The following SDK1 variants were observed in gnomAD, a reference collection of about 807,000 sequenced individuals.
The protein encoded by SDK1 is protein sidekick-1.
Under a neutral mutation model 245.5 loss-of-function variants are expected in SDK1, and 157 were observed. The ratio of observed to expected loss-of-function variants is 0.64; its 90% CI spans 0.56 to 0.73. SDK1 has a LOEUF of 0.73. Among genes scored for constraint, SDK1 ranks in the 30% least tolerant of loss-of-function variants. The pLI, the probability that SDK1 is intolerant of heterozygous loss-of-function variation, is 0.00. For synonymous variants in SDK1, 1,647 were observed against 1,278.5 expected, an observed-to-expected ratio of 1.29 and a Z score of -6.15; for missense variants, 3,583 against 3,002.3, an observed-to-expected ratio of 1.19 and a Z score of -4.52.
At chr7:3,520,803 G>T (rs752070421) in intron 1 of SDK1, among the ~76,000 whole-genome samples, 1 of 152,148 alleles carries the variant, frequency 6.6e-6, no homozygotes, top group Non-Finnish European at 1.5e-5. Flanking sequence ...ATTTTGTCCT[G>T]CCTACCTTTT....
intron 4 of SDK1, among the ~76,000 whole-genome samples, chr7:3,790,717 A>C (rs912668324): frequency 6.6e-6 from 1 of 152,094 alleles, no homozygotes; most frequent in Non-Finnish European, 1.5e-5. Context: ...GAGGCAGGAG[A>C]ATTGCTTGAA....
At chr7:3,975,155 C>G (rs1364303162) in intron 13 of SDK1, among the ~76,000 whole-genome samples, 1 of 152,374 alleles carries the variant, frequency 6.6e-6, no homozygotes, top group East Asian at 1.9e-4. Context: ...CCCTCCACTC[C>G]CCTCTCTATT....
chr7:4,085,217 A>G (rs1312274004), intron 22 of SDK1, among the ~76,000 whole-genome samples: 1 of 152,186 alleles, frequency 6.6e-6, no homozygotes, highest in African/African-American at 2.4e-5. Flanking sequence ...TGAAAACTTT[A>G]TGTTAAAACA....
intron 22 of SDK1, among the ~76,000 whole-genome samples, chr7:4,110,395 G>T (rs1261310330): frequency 6.6e-6 from 1 of 152,226 alleles, no homozygotes; most frequent in Non-Finnish European, 1.5e-5. Flanking sequence ...GTTCCCAGGG[G>T]TTTCACTGTT....
chr7:3,407,455 C>A (rs1282548041), intron 1 of SDK1, among the ~76,000 whole-genome samples: 1 of 152,114 alleles, frequency 6.6e-6, no homozygotes, highest in East Asian at 1.9e-4. Context: ...GTCTCAGCAA[C>A]CTGCTTTAAT....
At chr7:4,154,948 G>A (rs780381990) in intron 30 of SDK1, among the ~76,000 whole-genome samples, 1 of 151,976 alleles carries the variant, frequency 6.6e-6, no homozygotes, top group Non-Finnish European at 1.5e-5. Flanking sequence ...AGGGAGCATG[G>A]CAGGAGCAAC....
At chr7:3,479,994 C>T (rs995180019) in intron 1 of SDK1, among the ~76,000 whole-genome samples, 5 of 152,112 alleles carry the variant, frequency 3.3e-5, no homozygotes, top group African/African-American at 1.2e-4. Context: ...TGCCCCCTCA[C>T]CTGTCCACGC....
At chr7:3,424,604 T>C (rs1009703357) in intron 1 of SDK1, among the ~76,000 whole-genome samples, 1 of 152,178 alleles carries the variant, frequency 6.6e-6, no homozygotes, top group Non-Finnish European at 1.5e-5. Flanking sequence ...AGAATTTCTC[T>C]TCAAAAATAC....
chr7:3,485,664 A>G (rs1781662076), intron 1 of SDK1, among the ~76,000 whole-genome samples: 2 of 87,926 alleles, frequency 2.3e-5, no homozygotes, highest in South Asian at 4.6e-4. Context: ...GTTTGTGCTG[A>G]GGGGATGATC....
intron 35 of SDK1, among the ~76,000 whole-genome samples, chr7:4,186,785 C>A (rs1047684292): frequency 6.6e-6 from 1 of 152,164 alleles, no homozygotes; most frequent in Non-Finnish European, 1.5e-5. Flanking sequence ...CTAGGAGGTG[C>A]CTTGGAATCT....
intron 1 of SDK1, among the ~76,000 whole-genome samples, chr7:3,577,992 C>G (rs1049597578): frequency 1.3e-5 from 2 of 152,040 alleles, no homozygotes; most frequent in Non-Finnish European, 2.9e-5. Flanking sequence ...ATTCTTTCCA[C>G]TCAACTTACA....
chr7:4,053,272 A>C (rs1351151125), intron 19 of SDK1, among the ~76,000 whole-genome samples: 15 of 151,920 alleles, frequency 9.9e-5, no homozygotes. Flanking sequence ...CACTCCCAGC[A>C]GGTGACATTT....
At chr7:3,640,666 G>T (rs1358825059) in intron 3 of SDK1, among the ~76,000 whole-genome samples, 1 of 151,996 alleles carries the variant, frequency 6.6e-6, no homozygotes, top group African/African-American at 2.4e-5. Context: ...TTTCTGTTCT[G>T]TATCTCTAGC....
chr7:4,129,927 AC>A lies in SDK1; in HGVS notation c.3961del (p.Leu1321TrpfsTer62). The A allele has an allele frequency of 6.2e-7, 1 of 1,613,642 alleles. No individual in the cohort carries two copies. Among genetic ancestry groups the A allele is most frequent in the Non-Finnish European group, 8.5e-7 (1 of 1,179,894 alleles). On this transcript the variant is annotated frameshift_variant, in exon 27 of 45. Coordinates refer to ENST00000404826, the MANE Select transcript of SDK1 (RefSeq NM_152744.4). LOFTEE classifies it high-confidence loss of function. ...CCACAGATCCTGTTCCGGGCCAAAGACCTGGATCCCGAGCCCAGGAGCCACA... is the reference window on the plus strand; with the variant it reads ...CCACAGATCCTGTTCCGGGCCAAAGACTGGATCCCGAGCCCAGGAGCCACA... ...LGYKILFRAKDLDPEPRSHIV... is the reference protein window; with the variant it reads ...LGYKILFRAKXLDPEPRSHIV...
intron 1 of SDK1, among the ~76,000 whole-genome samples, chr7:3,399,131 A>G (rs754102195): frequency 6.7e-6 from 1 of 149,720 alleles, no homozygotes. Context: ...GGTGCCAGAG[A>G]TTCTTTTCAT....
At chr7:4,095,261 C>T (rs959013147) in intron 22 of SDK1, among the ~76,000 whole-genome samples, 1 of 137,506 alleles carries the variant, frequency 7.3e-6, no homozygotes, top group South Asian at 2.6e-4. Flanking sequence ...AGCTCTTCCT[C>T]AGCTCCCCCA....
intron 1 of SDK1, among the ~76,000 whole-genome samples, chr7:3,532,048 A>G (rs1166668397): frequency 1.3e-5 from 2 of 152,232 alleles, no homozygotes; most frequent in East Asian, 1.9e-4. Flanking sequence ...CTGAAATCCT[A>G]TAAATTTAAC....
intron 4 of SDK1, among the ~76,000 whole-genome samples, chr7:3,741,764 G>A (rs1475857116): frequency 6.6e-6 from 1 of 152,002 alleles, no homozygotes; most frequent in Non-Finnish European, 1.5e-5. Context: ...TCACTCCTGT[G>A]CAAACCAAAG....
rs571206418 is a variant in SDK1 at position 3,912,656 on chromosome 7, GC to G, written c.848-38262del. 1.3e-3 allele frequency among the ~76,000 whole-genome samples: 193 copies of G among 152,298 alleles called. 1 individual carries two copies. Among genetic ancestry groups the G allele is most frequent in the African/African-American group, 4.5e-3 (188 of 41,574 alleles). The stretch of plus-strand genomic sequence containing the variant: ...GGGGCACCCGCTTCTGGGCTCTCCT[GC>G]CCCCTGGGCCCACCCCACGGATGGC... On this transcript the variant is annotated intron_variant, in intron 5 of 44. Transcript: ENST00000404826.
Sources: gnomAD v4.1 joint callset for allele counts (sites outside exome capture counted in the v4.1 genomes callset) on GRCh38, gnomAD v4.1.1 for gene constraint, MANE v1.5 for transcripts, NCBI Gene and HGNC (gene_info 2026-07-23, HGNC 2026-07-21) for gene names.